The following TMEM50A variants were observed in gnomAD, a reference collection of about 807,000 sequenced individuals.
TMEM50A encodes the protein transmembrane protein 50A.
TMEM50A carries 8 observed loss-of-function variants against 23.9 expected under a neutral mutation model. That is an observed-to-expected ratio of 0.33 (90% CI 0.20 to 0.60). The LOEUF is 0.60. TMEM50A is among the 20% of genes least tolerant of loss of function. TMEM50A has a pLI of 0.81. For synonymous variants in TMEM50A, 55 were observed against 60.4 expected, an observed-to-expected ratio of 0.91 and a Z score of 0.41; for missense variants, 178 against 192.7, an observed-to-expected ratio of 0.92 and a Z score of 0.45.
At chr1:25,356,528 G>A (rs904082339) in intron 5 of TMEM50A, among the ~76,000 whole-genome samples, 1 of 152,068 alleles carries the variant, frequency 6.6e-6, no homozygotes, top group Non-Finnish European at 1.5e-5. Context: ...AATTTTACCT[G>A]TTTTGTTTAT....
At chr1:25,350,505 C>G (rs1645264845) in intron 3 of TMEM50A, among the ~76,000 whole-genome samples, 1 of 152,162 alleles carries the variant, frequency 6.6e-6, no homozygotes, top group African/African-American at 2.4e-5. Context: ...TCTCCTGCCT[C>G]AGCCTCCCAA....
chr1:25,354,156 A>G (rs546852933), intron 5 of TMEM50A, among the ~76,000 whole-genome samples: 1 of 151,988 alleles, frequency 6.6e-6, no homozygotes, highest in South Asian at 2.1e-4. Flanking sequence ...ACGCCCTGCT[A>G]GTTTTGTATT....
At chr1:25,350,394 G>A (rs564440282) in intron 3 of TMEM50A, among the ~76,000 whole-genome samples, 2 of 152,046 alleles carry the variant, frequency 1.3e-5, no homozygotes, top group South Asian at 2.1e-4. Context: ...TTTTGTTCCC[G>A]ATTTTTTTTT....
intron 2 of TMEM50A, among the ~76,000 whole-genome samples, chr1:25,342,011 C>T (rs1311728438): frequency 6.6e-6 from 1 of 152,030 alleles, no homozygotes; most frequent in Admixed American, 6.6e-5. Context: ...GGCCAAAAAG[C>T]TTTGAGTTTT....
Position 25,361,958 on chromosome 1 carries a change from A to G in TMEM50A, c.*1253A>G, listed in dbSNP as rs1001699054. ...ACATAGGAGGGAACAGACCATGGAA[A>G]TTTAAACGACTTCCTCACGGTCACA... On this transcript the variant is annotated 3_prime_UTR_variant, in exon 7 of 7. Coordinates refer to ENST00000374358, the MANE Select transcript of TMEM50A (RefSeq NM_014313.4). 2 of 174,858 alleles carry G rather than the reference A, an allele frequency of 1.1e-5. No homozygotes were observed. Among genetic ancestry groups the G allele is most frequent in the African/African-American group, 4.8e-5 (2 of 41,626 alleles). 10.8% of individuals were successfully genotyped at this position (174,858 alleles called of 1,614,324 possible). A position where few individuals can be genotyped will look rare whatever the true frequency, so the allele number is the denominator to read the frequency against.
chr1:25,353,703 T>C (rs1358649294), intron 5 of TMEM50A, among the ~76,000 whole-genome samples: 1 of 152,210 alleles, frequency 6.6e-6, no homozygotes. Context: ...GGAAAAGGTA[T>C]ACTGTTAGAC....
rs1415775982 is a variant in TMEM50A at position 25,341,145 on chromosome 1, T to C, written c.93+566T>C. On this transcript the variant is annotated intron_variant, in intron 2 of 6. Coordinates refer to ENST00000374358, the MANE Select transcript of TMEM50A (RefSeq NM_014313.4). ...TTTACACTTCAGATCCCTCAAGGGA[T>C]CTGCTATTAGTTTTTTATGATCATA... 6.6e-5 allele frequency among the ~76,000 whole-genome samples: 10 copies of C among 152,304 alleles called. No homozygotes were observed. The South Asian group carries it at 1.7e-3, about 25-fold the overall frequency.
intron 6 of TMEM50A, among the ~76,000 whole-genome samples, chr1:25,358,970 G>T (rs1645365376): frequency 6.6e-6 from 1 of 152,192 alleles, no homozygotes; most frequent in African/African-American, 2.4e-5. Context: ...GCCCAGGCTG[G>T]TCTCAAACTC....
chr1:25,345,093 C>T (rs1645199913), intron 3 of TMEM50A, among the ~76,000 whole-genome samples: 1 of 150,540 alleles, frequency 6.6e-6, no homozygotes, highest in Admixed American at 6.6e-5. Context: ...AGGGTTGAAT[C>T]CACTGTTTTT....
At chr1:25,351,810 T>TCC in intron 4 of TMEM50A, 117 bp downstream of exon 4, 1 of 834,538 alleles carries the variant, frequency 1.2e-6, no homozygotes, top group East Asian at 2.8e-5. Context: ...CAGCTTATTA[T>TCC]TTTGAATCTA....
rs1302724250 is a variant in TMEM50A at position 25,361,876 on chromosome 1, C to G, written c.*1171C>G. 6.4e-6 allele frequency: 1 copy of G among 156,836 alleles called. No individual in the cohort carries two copies. The highest frequency in any genetic ancestry group is 1.4e-5 in the Non-Finnish European group (1 of 70,792). 9.7% of individuals were successfully genotyped at this position (156,836 alleles called of 1,614,324 possible). A position where few individuals can be genotyped will look rare whatever the true frequency, so the allele number is the denominator to read the frequency against. On this transcript the variant is annotated 3_prime_UTR_variant, in exon 7 of 7. Transcript: ENST00000374358. ...CTCCTGATGTTTTTTCTACAAAAGTCCATAAAATGTGAAAACTGGAGAAGA... is the reference window on the plus strand; with the variant it reads ...CTCCTGATGTTTTTTCTACAAAAGTGCATAAAATGTGAAAACTGGAGAAGA...
Position 25,360,858 on chromosome 1 carries a change from T to A in TMEM50A, c.*153T>A. 2.9e-6 allele frequency: 2 copies of A among 684,480 alleles called. No homozygotes were observed. Among genetic ancestry groups the A allele is most frequent in the African/African-American group, 1.8e-5 (1 of 55,740 alleles). 42.4% of individuals were successfully genotyped at this position (684,480 alleles called of 1,614,324 possible). A position where few individuals can be genotyped will look rare whatever the true frequency, so the allele number is the denominator to read the frequency against. ...GTAATACTAAAATCACGAGAACACC[T>A]AAACAACAACCAAAAATCTATTGTG... On this transcript the variant is annotated 3_prime_UTR_variant, in exon 7 of 7. Coordinates refer to ENST00000374358, the MANE Select transcript of TMEM50A (RefSeq NM_014313.4).
chr1:25,342,936 C>T (rs778876127), intron 2 of TMEM50A, 25 bp from the exon 3 acceptor site: 2 of 1,588,680 alleles, frequency 1.3e-6, no homozygotes, highest in Non-Finnish European at 1.7e-6. Context: ...GCTATGATTT[C>T]TCATTGGTAT....
At chr1:25,356,202 G>A (rs1026123360) in intron 5 of TMEM50A, among the ~76,000 whole-genome samples, 3 of 152,130 alleles carry the variant, frequency 2.0e-5, no homozygotes, top group Non-Finnish European at 2.9e-5. Flanking sequence ...GTGGCTTCTC[G>A]TCTCACTCAG....
chr1:25,358,782 C>T (rs1444247440), intron 6 of TMEM50A, among the ~76,000 whole-genome samples: 1 of 152,216 alleles, frequency 6.6e-6, no homozygotes, highest in Non-Finnish European at 1.5e-5. Context: ...TCTGAAGTTA[C>T]AGCATCTCTT....
In TMEM50A at chr1:25,360,738, G is replaced by T; in HGVS notation, c.*33G>T. On this transcript the variant is annotated 3_prime_UTR_variant, in exon 7 of 7. Coordinates refer to ENST00000374358, the MANE Select transcript of TMEM50A (RefSeq NM_014313.4). ...TGATTTCCCACAGCACAACAGCCCT[G>T]CATGGGTTTGTTTGTTTTTTTACTG... is the stretch of plus-strand genomic sequence containing the variant. 3.1e-6 allele frequency: 5 copies of T among 1,612,518 alleles called. No individual in the cohort carries two copies. The highest frequency in any genetic ancestry group is 4.2e-6 in the Non-Finnish European group (5 of 1,179,084).
intron 3 of TMEM50A, among the ~76,000 whole-genome samples, chr1:25,345,543 A>G (rs1455121139): frequency 2.7e-5 from 4 of 150,884 alleles, no homozygotes; most frequent in Non-Finnish European, 5.9e-5. Flanking sequence ...TCATGCCACT[A>G]CACTCCAGCC....
At chr1:25,341,511 G>A (rs1645168370) in intron 2 of TMEM50A, among the ~76,000 whole-genome samples, 1 of 152,134 alleles carries the variant, frequency 6.6e-6, no homozygotes, top group Non-Finnish European at 1.5e-5. Flanking sequence ...CTTGCAAAGT[G>A]CTGGAATTAC....
chr1:25,361,252 G>C lies in TMEM50A; in HGVS notation c.*547G>C, dbSNP rs975723923. 1 of 153,274 alleles carries C rather than the reference G, an allele frequency of 6.5e-6. No homozygotes were observed. Among genetic ancestry groups the C allele is most frequent in the Admixed American group, 6.5e-5 (1 of 15,444 alleles). 9.5% of individuals were successfully genotyped at this position (153,274 alleles called of 1,614,324 possible). On this transcript the variant is annotated 3_prime_UTR_variant, in exon 7 of 7. Transcript: ENST00000374358. The stretch of plus-strand genomic sequence containing the variant: ...AGGGTCTCCCAAGGGGTGAGTGGAC[G>C]TGTTGGAAGAGAGAAGCACCATGGT...
Sources: gnomAD v4.1 joint callset for allele counts (sites outside exome capture counted in the v4.1 genomes callset) on GRCh38, gnomAD v4.1.1 for gene constraint, MANE v1.5 for transcripts, NCBI Gene and HGNC (gene_info 2026-07-23, HGNC 2026-07-21) for gene names.